Variants in NF1 observed in about 807,000 individuals in gnomAD.
NF1 encodes neurofibromin 1, also known as neurofibromin.
NF1 carries 122 observed loss-of-function variants against 325.7 expected under a neutral mutation model. That is an observed-to-expected ratio of 0.37 (90% CI 0.32 to 0.44). The LOEUF (loss-of-function observed/expected upper bound fraction) is 0.44. NF1 is among the 20% of genes least tolerant of loss of function. NF1 has a pLI of 1.00. For missense variants in NF1, 2,140 were observed against 3,415.4 expected (o/e 0.63, Z 9.31); for synonymous variants, 1,091 against 1,186.0 (o/e 0.92, Z 1.65).
rs1217503991 is a variant in NF1 at position 31,356,940 on chromosome 17, A to G, written c.7739-20A>G. ...GATTATCCAGGTGTTTGATCACGTT[A>G]ATTCCCTATCTTGCTGCAGAAACTC... On this transcript the variant is annotated intron_variant, in intron 52 of 57. Transcript: ENST00000358273. 6.2e-7 allele frequency: 1 copy of G among 1,613,546 alleles called. No homozygotes were observed. The highest frequency in any genetic ancestry group is 1.3e-5 in the African/African-American group (1 of 75,036).
chr17:31,216,492 A>G (rs2066821620), intron 13 of NF1, among the ~76,000 whole-genome samples: 1 of 152,186 alleles, frequency 6.6e-6, no homozygotes, highest in Admixed American at 6.5e-5. Flanking sequence ...AATGGTCTCA[A>G]TCATGGTATT....
At chr17:31,335,907 G>A (rs556191870) in intron 40 of NF1, among the ~76,000 whole-genome samples, 1 of 144,704 alleles carries the variant, frequency 6.9e-6, no homozygotes, top group Non-Finnish European at 1.5e-5. Context: ...GCCCAGGCTG[G>A]TCTTGAACTC....
At chr17:31,288,280 A>G (rs1271143650) in intron 36 of NF1, among the ~76,000 whole-genome samples, 1 of 152,074 alleles carries the variant, frequency 6.6e-6, no homozygotes, top group Non-Finnish European at 1.5e-5. Flanking sequence ...AACCAAACTG[A>G]CATTTCTTAA....
At chr17:31,318,936 A>G in intron 36 of NF1, 1 of 1,613,922 alleles carries the variant, frequency 6.2e-7, no homozygotes, top group Non-Finnish European at 8.5e-7. Flanking sequence ...CTTTTGTTCC[A>G]GGAGACAAAG....
intron 9 of NF1, 54 bp from the exon 10 acceptor site, chr17:31,200,983 A>C (rs2066517545): frequency 1.2e-6 from 2 of 1,608,876 alleles, no homozygotes; most frequent in Non-Finnish European, 1.7e-6. Context: ...ATGTTAGTAA[A>C]GAAATACTGC....
intron 57 of NF1, 26 bp downstream of exon 57, chr17:31,360,729 C>G: frequency 6.4e-7 from 1 of 1,565,218 alleles, no homozygotes; most frequent in Non-Finnish European, 8.8e-7. Context: ...CTTTATATGA[C>G]TTTGAGCAAC....
chr17:31,353,017 T>C (rs1364483182), intron 51 of NF1, among the ~76,000 whole-genome samples: 1 of 152,118 alleles, frequency 6.6e-6, no homozygotes, highest in Non-Finnish European at 1.5e-5. Context: ...CAAGCAATTC[T>C]CCTGCCTCAT....
intron 36 of NF1, among the ~76,000 whole-genome samples, chr17:31,266,073 AC>A (rs1274216705): frequency 5.9e-5 from 9 of 152,200 alleles, no homozygotes; most frequent in Non-Finnish European, 8.8e-5. Flanking sequence ...CTTAGAGACA[AC>A]ATGATACATA....
rs2069445112 is a variant in NF1, at chr17:31,330,194, A to T, written c.5610-102A>T. On this transcript the variant is annotated intron_variant, in intron 38 of 57. Coordinates refer to ENST00000358273, the MANE Select transcript of NF1 (RefSeq NM_001042492.3). ...TGATCATAAAATTTAAAAATAGTTG[A>T]TCATACTTTGTAACAGAATCACAAA... 4.1e-6 allele frequency: 4 copies of T among 983,780 alleles called. No homozygotes were observed. In the Admixed American group the frequency reaches 7.7e-5, roughly 19 times the overall value. The allele number at this position is 983,780 out of a possible 1,614,324, so 60.9% of individuals were successfully genotyped here.
chr17:31,175,636 C>T (rs1194149648), intron 5 of NF1, among the ~76,000 whole-genome samples: 1 of 152,150 alleles, frequency 6.6e-6, no homozygotes, highest in East Asian at 1.9e-4. Flanking sequence ...ATCAACGCAT[C>T]ATCTACCTTA....
At chr17:31,303,164 G>T (rs1278593393) in intron 36 of NF1, among the ~76,000 whole-genome samples, 1 of 152,162 alleles carries the variant, frequency 6.6e-6, no homozygotes, top group Non-Finnish European at 1.5e-5. Context: ...GGTTCTCCAA[G>T]ACTGGGCTAC....
At chr17:31,166,546 C>T (rs1410040565) in intron 4 of NF1, among the ~76,000 whole-genome samples, 1 of 152,152 alleles carries the variant, frequency 6.6e-6, no homozygotes, top group Non-Finnish European at 1.5e-5. Context: ...CTTAATTTCT[C>T]AGTCCCAGCC....
rs2151553641 is a variant in NF1, at chr17:31,336,479, C to A, written c.6147+6C>A. On this transcript the variant is annotated splice_donor_region_variant and intron_variant, in intron 41 of 57. Coordinates refer to ENST00000358273, the MANE Select transcript of NF1 (RefSeq NM_001042492.3). This position sits in a 1 kb window ranked among gnomAD's most constrained non-coding sequence, Gnocchi z 5.5. Reference sequence around the variant, plus strand: ...TGAAATTGGTTTCAAGCAAGGTAATCACTTTTCTTTTGCCTTCTGTACTAT... The same window carrying A: ...TGAAATTGGTTTCAAGCAAGGTAATAACTTTTCTTTTGCCTTCTGTACTAT... 2 of 1,613,974 alleles carry A rather than the reference C, an allele frequency of 1.2e-6. No individual in the cohort carries two copies. Among genetic ancestry groups the A allele is most frequent in the Admixed American group, 1.7e-5 (1 of 59,996 alleles).
At chr17:31,217,752 G>A (rs776105713) in intron 13 of NF1, among the ~76,000 whole-genome samples, 2 of 151,304 alleles carry the variant, frequency 1.3e-5, no homozygotes, top group Non-Finnish European at 2.9e-5. Flanking sequence ...ATCACCTGAG[G>A]TCAGGAGTTC....
chr17:31,307,231 A>T (rs1455940272), intron 36 of NF1, among the ~76,000 whole-genome samples: 1 of 151,534 alleles, frequency 6.6e-6, no homozygotes, highest in Admixed American at 6.6e-5. Context: ...CGTGTTGGCC[A>T]GGCTGCTCGA....
chr17:31,099,852 CG>C (rs1912145745), intron 1 of NF1, among the ~76,000 whole-genome samples: 1 of 152,030 alleles, frequency 6.6e-6, no homozygotes, highest in South Asian at 2.1e-4. Context: ...TGAGCCACCA[CG>C]CCCGGCCATG....
chr17:31,180,244 G>A (rs2143767581), intron 5 of NF1, among the ~76,000 whole-genome samples: 1 of 152,342 alleles, frequency 6.6e-6, no homozygotes, highest in South Asian at 2.1e-4. Flanking sequence ...CTCATTTTAT[G>A]AGGCCAGCAT....
At chr17:31,204,372 A>G (rs190744555) in intron 11 of NF1, among the ~76,000 whole-genome samples, 174 of 152,246 alleles carry the variant, frequency 1.1e-3, no homozygotes, top group African/African-American at 4.0e-3. Context: ...GAATTGCCAC[A>G]TAATTTGTTC....
At chr17:31,173,359 G>A (rs534074258) in intron 5 of NF1, among the ~76,000 whole-genome samples, 8 of 152,208 alleles carry the variant, frequency 5.3e-5, no homozygotes, top group East Asian at 1.9e-4. Flanking sequence ...GCAGTGAGCC[G>A]AGATTGTGCC....
Sources: gnomAD v4.1 joint callset for allele counts (sites outside exome capture counted in the v4.1 genomes callset) on GRCh38, gnomAD v4.1.1 for gene constraint, Gnocchi (gnomAD v3.1) non-coding constraint, MANE v1.5 for transcripts, NCBI Gene and HGNC (gene_info 2026-07-23, HGNC 2026-07-21) for gene names.